The following PCDHA11 variants were observed in gnomAD, a reference collection of about 807,000 sequenced individuals.
PCDHA11 encodes protocadherin alpha 11.
Under a neutral mutation model 70.3 loss-of-function variants are expected in PCDHA11, and 61 were observed. The observed-to-expected ratio is 0.87, with a 90% confidence interval of 0.71 to 1.07. PCDHA11 has a LOEUF of 1.07. Among genes scored for constraint, PCDHA11 ranks in the 50% least tolerant of loss-of-function variants. The pLI, the probability that PCDHA11 is intolerant of heterozygous loss-of-function variation, is 0.00. For synonymous variants in PCDHA11, 633 were observed against 555.1 expected (o/e 1.14, Z -1.97); for missense variants, 1,324 against 1,237.5 (o/e 1.07, Z -1.05).
chr5:140,877,581 C>G (rs904001764), intron 1 of PCDHA11: 1 of 1,613,842 alleles, frequency 6.2e-7, no homozygotes, highest in Admixed American at 1.7e-5. Context: ...TCATCATCGC[C>G]ATCTGTGCGG....
chr5:140,940,610 G>A (rs1394761541), intron 1 of PCDHA11, among the ~76,000 whole-genome samples: 1 of 151,836 alleles, frequency 6.6e-6, no homozygotes, highest in Non-Finnish European at 1.5e-5. Context: ...GCTGCTCCTG[G>A]CTCCTGCAAA....
Position 140,869,135 on chromosome 5 carries a change from C to T in PCDHA11, c.32C>T (p.Thr11Ile). Residue 11 changes from threonine (T) to isoleucine (I), a missense_variant, in exon 1 of 4, where the codon ACC (threonine) becomes ATC (isoleucine). Physicochemically the swap from Thr to Ile is moderately conservative, Grantham distance 89 (BLOSUM62 -1). Coordinates refer to ENST00000398640, the MANE Select transcript of PCDHA11 (RefSeq NM_018902.5). MFGFQRRGLG[T>I]PRLQLWLLLL... ...GGTTTTCAGAGAAGGGGATTGGGCA[C>T]CCCACGACTACAGCTCTGGCTTCTC... is the stretch of plus-strand genomic sequence containing the variant. The T allele has an allele frequency of 6.2e-7, 1 of 1,613,026 alleles. No individual in the cohort carries two copies.
At chr5:140,927,108 C>T (rs782811125) in intron 1 of PCDHA11, 6 of 1,613,528 alleles carry the variant, frequency 3.7e-6, no homozygotes, top group African/African-American at 1.3e-5. Context: ...ATCTACCCAG[C>T]GGCAATTTGG....
At chr5:140,894,068 A>G (rs2064306594) in intron 1 of PCDHA11, among the ~76,000 whole-genome samples, 1 of 152,160 alleles carries the variant, frequency 6.6e-6, no homozygotes, top group Non-Finnish European at 1.5e-5. Context: ...TTTTAAATAC[A>G]TTTATTTTAT....
chr5:141,010,205 G>A lies in PCDHA11; in HGVS notation c.*268G>A, dbSNP rs1554262753. On this transcript the variant is annotated 3_prime_UTR_variant, in exon 4 of 4. Transcript: ENST00000398640. ...ACCCAAGTTTCCTTTCTCCTCCGCC[G>A]CAAAGGAGAGGCTTCCCAGCCCCGC... 4 of 1,551,732 alleles carry A rather than the reference G, an allele frequency of 2.6e-6. No homozygotes were observed. Among genetic ancestry groups the A allele is most frequent in the African/African-American group, 1.4e-5 (1 of 73,014 alleles).
intron 1 of PCDHA11, among the ~76,000 whole-genome samples, chr5:140,885,031 AT>A (rs1165183992): frequency 6.6e-6 from 1 of 152,198 alleles, no homozygotes; most frequent in Non-Finnish European, 1.5e-5. Flanking sequence ...AATTTAAAAA[AT>A]TTTTAGTTTA....
rs1554164208 is a variant in PCDHA11 at position 140,870,406 on chromosome 5, T to G, written c.1303T>G (p.Trp435Gly). ...TARDGGSPSL[W>G]ATARVSVEVA... ...GCGGGATGGGGGTTCGCCTTCTCTG[T>G]GGGCCACGGCCAGGGTATCCGTGGA... The change falls in exon 1 of 4, where the codon TGG (tryptophan) becomes GGG (glycine). Residue 435 changes from tryptophan to glycine, a missense_variant. Transcript: ENST00000398640. 1.2e-5 allele frequency: 20 copies of G among 1,614,192 alleles called. No individual in the cohort carries two copies. The highest frequency in any genetic ancestry group is 1.5e-5 in the Non-Finnish European group (18 of 1,180,034).
chr5:140,873,437 T>C (rs1554166716), intron 1 of PCDHA11, among the ~76,000 whole-genome samples: 1 of 152,200 alleles, frequency 6.6e-6, no homozygotes, highest in Non-Finnish European at 1.5e-5. Flanking sequence ...TTATATCACA[T>C]AAATAACAAA....
intron 1 of PCDHA11, among the ~76,000 whole-genome samples, chr5:140,938,625 T>G (rs2092136082): frequency 6.6e-6 from 1 of 152,220 alleles, no homozygotes; most frequent in African/African-American, 2.4e-5. Flanking sequence ...AAACTCAGGT[T>G]GCTTATGATG....
intron 3 of PCDHA11, among the ~76,000 whole-genome samples, chr5:141,006,730 C>A (rs1222445312): frequency 1.3e-5 from 2 of 151,754 alleles, no homozygotes; most frequent in African/African-American, 4.8e-5. Context: ...AATGACAGGT[C>A]TTGATGATGT....
chr5:140,943,467 G>C lies in PCDHA11; in HGVS notation c.2392-35482G>C, dbSNP rs559827697. 2.0e-5 allele frequency among the ~76,000 whole-genome samples: 3 copies of C among 152,126 alleles called. No individual in the cohort carries two copies. The East Asian group carries it at 5.8e-4, about 29-fold the overall frequency. On this transcript the variant is annotated intron_variant, in intron 1 of 3. Coordinates refer to ENST00000398640, the MANE Select transcript of PCDHA11 (RefSeq NM_018902.5). ...AGAATTGATAAGGCTAAATGTGGGA[G>C]ATACAGTAAAATAATAAATAGATGC... is the stretch of plus-strand genomic sequence containing the variant.
intron 3 of PCDHA11, among the ~76,000 whole-genome samples, chr5:140,986,372 G>C (rs570215048): frequency 2.1e-4 from 32 of 152,248 alleles, no homozygotes; most frequent in Admixed American, 5.2e-4. Context: ...ATGCGTTTTG[G>C]GGGGAGGGAC....
chr5:140,892,246 G>T lies in PCDHA11; in HGVS notation c.2391+20752G>T, dbSNP rs895446433. Among the ~76,000 whole-genome samples the T allele has an allele frequency of 5.9e-5, 9 of 152,166 alleles. No individual in the cohort carries two copies. In the East Asian group the frequency reaches 1.7e-3, roughly 29 times the overall value. Reference sequence around the variant, plus strand: ...GGTGTTTTGTCTCCACATAAACCTGGTTATCTTTGATTTTGTGCTGAAAGT... The same window carrying T: ...GGTGTTTTGTCTCCACATAAACCTGTTTATCTTTGATTTTGTGCTGAAAGT... On this transcript the variant is annotated intron_variant, in intron 1 of 3. Coordinates refer to ENST00000398640, the MANE Select transcript of PCDHA11 (RefSeq NM_018902.5).
At chr5:140,990,628 G>A (rs1380038956) in intron 3 of PCDHA11, among the ~76,000 whole-genome samples, 1 of 152,154 alleles carries the variant, frequency 6.6e-6, no homozygotes, top group African/African-American at 2.4e-5. Flanking sequence ...TCTGTGGTAA[G>A]ACTAGAAGCC....
chr5:140,883,930 C>T, intron 1 of PCDHA11: 1 of 1,613,066 alleles, frequency 6.2e-7, no homozygotes, highest in East Asian at 2.2e-5. Context: ...TGCAGGTGTT[C>T]GTGCTGGACG....
intron 1 of PCDHA11, among the ~76,000 whole-genome samples, chr5:140,892,032 T>C (rs1329804086): frequency 6.6e-6 from 1 of 152,222 alleles, no homozygotes; most frequent in African/African-American, 2.4e-5. Context: ...TCTAAGATAC[T>C]TTTATTTATT....
intron 1 of PCDHA11, among the ~76,000 whole-genome samples, chr5:140,948,364 G>C (rs1554218529): frequency 6.6e-6 from 1 of 151,472 alleles, no homozygotes; most frequent in African/African-American, 2.4e-5. Flanking sequence ...AAATGACTTA[G>C]GAGGTGTTCC....
chr5:140,950,254 T>C (rs1554219388), intron 1 of PCDHA11, among the ~76,000 whole-genome samples: 1 of 152,040 alleles, frequency 6.6e-6, no homozygotes. Context: ...CCTAAAGAGC[T>C]GAGTTTATCC....
At chr5:140,962,431 A>G (rs782205198) in intron 1 of PCDHA11, among the ~76,000 whole-genome samples, 2 of 152,126 alleles carry the variant, frequency 1.3e-5, no homozygotes, top group Non-Finnish European at 2.9e-5. Flanking sequence ...ATTGTTACTT[A>G]TCCAAAGATG....
Sources: gnomAD v4.1 joint callset for allele counts (sites outside exome capture counted in the v4.1 genomes callset) on GRCh38, gnomAD v4.1.1 for gene constraint, MANE v1.5 for transcripts, NCBI Gene and HGNC (gene_info 2026-07-23, HGNC 2026-07-21) for gene names.